Variants in MAST2 observed in about 807,000 individuals in gnomAD.
MAST2 encodes the protein microtubule-associated serine/threonine-protein kinase 2.
In MAST2, 70 loss-of-function variants were observed where a neutral mutation model predicts 147.4. The ratio of observed to expected loss-of-function variants is 0.47; its 90% CI spans 0.39 to 0.58. MAST2 has a LOEUF of 0.58. Among genes scored for constraint, MAST2 ranks in the 20% least tolerant of loss-of-function variants. The pLI is 0.00. For synonymous variants in MAST2, 869 were observed against 896.8 expected, an observed-to-expected ratio of 0.97 and a Z score of 0.55; for missense variants, 2,080 against 2,302.3, an observed-to-expected ratio of 0.90 and a Z score of 1.98.
chr1:45,959,864 G>A (rs763210627), intron 5 of MAST2, among the ~76,000 whole-genome samples: 28 of 152,202 alleles, frequency 1.8e-4, no homozygotes, highest in South Asian at 4.1e-4. Context: ...AGGGTTTTTC[G>A]TCTAATGGGA....
At chr1:45,925,255 C>T (rs1426786113) in intron 4 of MAST2, among the ~76,000 whole-genome samples, 3 of 152,184 alleles carry the variant, frequency 2.0e-5, no homozygotes, top group Non-Finnish European at 4.4e-5. Context: ...CTCTGTAATA[C>T]ATTGCGTTTT....
intron 3 of MAST2, chr1:45,865,145 T>A: frequency 2.2e-6 from 1 of 456,440 alleles, no homozygotes; most frequent in Non-Finnish European, 4.4e-6. Flanking sequence ...TACAGGTGAG[T>A]AAAAGAAAAC....
At chr1:45,911,516 C>T (rs1651649915) in intron 4 of MAST2, among the ~76,000 whole-genome samples, 1 of 152,006 alleles carries the variant, frequency 6.6e-6, no homozygotes, top group Non-Finnish European at 1.5e-5. Context: ...AGGTAAAGCG[C>T]AGTGATTTAT....
chr1:45,837,988 A>G (rs1475861104), intron 3 of MAST2, among the ~76,000 whole-genome samples: 7 of 152,040 alleles, frequency 4.6e-5, no homozygotes, highest in Admixed American at 1.3e-4. Context: ...CGTGTTGGTC[A>G]AGCTTGTCTC....
intron 5 of MAST2, among the ~76,000 whole-genome samples, chr1:45,983,902 A>G (rs1379933389): frequency 6.6e-6 from 1 of 152,232 alleles, no homozygotes; most frequent in Non-Finnish European, 1.5e-5. Flanking sequence ...TTTATCATTG[A>G]GTGCAAAGGT....
intron 6 of MAST2, among the ~76,000 whole-genome samples, chr1:45,998,306 AC>A (rs1324072922): frequency 1.2e-4 from 19 of 152,306 alleles, no homozygotes; most frequent in African/African-American, 4.6e-4. Flanking sequence ...CAGGGACTTC[AC>A]TTTTCCTTCT....
At chr1:45,868,182 C>A (rs1646237825) in intron 3 of MAST2, among the ~76,000 whole-genome samples, 1 of 150,992 alleles carries the variant, frequency 6.6e-6, no homozygotes, top group African/African-American at 2.4e-5. Flanking sequence ...AATTGGCTTT[C>A]ATCTTACATC....
chr1:45,808,927 C>T (rs1644215118), intron 1 of MAST2, among the ~76,000 whole-genome samples: 1 of 152,036 alleles, frequency 6.6e-6, no homozygotes, highest in Non-Finnish European at 1.5e-5. Flanking sequence ...GTTGCCACTT[C>T]TCTTGGTTCC....
intron 3 of MAST2, among the ~76,000 whole-genome samples, chr1:45,861,916 TTAA>T (rs949605399): frequency 3.2e-4 from 49 of 152,320 alleles, no homozygotes; most frequent in African/African-American, 1.1e-3. Context: ...ATGACATTCT[TTAA>T]TGATGGGCCT....
At chr1:45,902,090 A>T (rs1649867423) in intron 4 of MAST2, among the ~76,000 whole-genome samples, 1 of 152,134 alleles carries the variant, frequency 6.6e-6, no homozygotes. Flanking sequence ...GTTTTTGCCC[A>T]TTCAGTATGA....
chr1:45,854,548 A>C (rs532443958), intron 3 of MAST2, among the ~76,000 whole-genome samples: 7 of 152,046 alleles, frequency 4.6e-5, no homozygotes, highest in Non-Finnish European at 7.4e-5. Context: ...TTTCTACATA[A>C]ATTTTAGAAT....
chr1:45,955,448 TG>T (rs1224677724), intron 4 of MAST2, among the ~76,000 whole-genome samples: 1 of 152,176 alleles, frequency 6.6e-6, no homozygotes. Flanking sequence ...CATAGTTGGT[TG>T]AATCCATGGA....
At chr1:45,970,041 G>T (rs1327276400) in intron 5 of MAST2, among the ~76,000 whole-genome samples, 2 of 152,180 alleles carry the variant, frequency 1.3e-5, no homozygotes, top group Admixed American at 6.5e-5. Flanking sequence ...AAGTAGAGCT[G>T]GCATTGATGA....
At chr1:45,990,991 A>T (rs1644834327) in intron 5 of MAST2, among the ~76,000 whole-genome samples, 1 of 152,126 alleles carries the variant, frequency 6.6e-6, no homozygotes, top group Non-Finnish European at 1.5e-5. Context: ...TATCATATAC[A>T]AGTTTTATCG....
At chr1:45,863,991 C>A (rs1018065934) in intron 3 of MAST2, among the ~76,000 whole-genome samples, 1 of 152,102 alleles carries the variant, frequency 6.6e-6, no homozygotes, top group Non-Finnish European at 1.5e-5. Context: ...CTGACAATTA[C>A]CATAAAGTTG....
chr1:46,034,299 C>G, intron 28 of MAST2, 33 bp downstream of exon 28: 1 of 1,580,164 alleles, frequency 6.3e-7, no homozygotes, highest in Non-Finnish European at 8.6e-7. Context: ...CAGTGACAAC[C>G]CCTGGGAAAT....
chr1:45,884,744 AG>A (rs1415170834), intron 4 of MAST2, among the ~76,000 whole-genome samples: 2 of 152,168 alleles, frequency 1.3e-5, no homozygotes, highest in Non-Finnish European at 2.9e-5. Context: ...GAGTCGAAAA[AG>A]TTTTGTTCTG....
At chr1:45,993,595 A>G (rs1180104905) in intron 5 of MAST2, among the ~76,000 whole-genome samples, 2 of 152,080 alleles carry the variant, frequency 1.3e-5, no homozygotes, top group Non-Finnish European at 2.9e-5. Flanking sequence ...AAGGCAGGAG[A>G]ATCTTTTGAA....
intron 11 of MAST2, among the ~76,000 whole-genome samples, chr1:46,021,455 C>T (rs1450098122): frequency 4.6e-5 from 7 of 152,206 alleles, no homozygotes; most frequent in Non-Finnish European, 2.9e-5. Context: ...AGTAGGCACT[C>T]AGTTATTATG....
Sources: gnomAD v4.1 joint callset for allele counts (sites outside exome capture counted in the v4.1 genomes callset) on GRCh38, gnomAD v4.1.1 for gene constraint, MANE v1.5 for transcripts, NCBI Gene and HGNC (gene_info 2026-07-23, HGNC 2026-07-21) for gene names.